Variants in CEP350 observed in about 807,000 individuals in gnomAD.
CEP350 encodes centrosomal protein 350.
Under a neutral mutation model 331.8 loss-of-function variants are expected in CEP350, and 126 were observed. The ratio of observed to expected loss-of-function variants is 0.38; its 90% CI spans 0.33 to 0.44. The LOEUF is 0.44. Among genes scored for constraint, CEP350 ranks in the 20% least tolerant of loss-of-function variants. CEP350 has a pLI of 1.00. For missense variants in CEP350, 3,406 were observed against 3,634.6 expected (o/e 0.94, Z 1.62); for synonymous variants, 1,200 against 1,259.5 (o/e 0.95, Z 1.00).
intron 1 of CEP350, among the ~76,000 whole-genome samples, chr1:179,959,686 A>G (rs57165548): frequency 0.14 from 21,406 of 151,336 alleles, 1,590 homozygotes; most frequent in African/African-American, 0.17. Context: ...CCTGAGTGGC[A>G]GAGGTTGCAG....
At chr1:180,036,379 T>C (rs1243765182) in intron 16 of CEP350, among the ~76,000 whole-genome samples, 2 of 152,210 alleles carry the variant, frequency 1.3e-5, no homozygotes, top group African/African-American at 4.8e-5. Context: ...GGTCAAATGC[T>C]ACCAAACAGC....
chr1:180,014,577 A>G, intron 10 of CEP350, 72 bp downstream of exon 10: 1 of 1,383,006 alleles, frequency 7.2e-7, no homozygotes, highest in South Asian at 1.6e-5. Flanking sequence ...ACTATTTAAA[A>G]ATTACCCATC....
intron 37 of CEP350, among the ~76,000 whole-genome samples, chr1:180,103,569 T>TTGTG (rs142177168): frequency 6.6e-6 from 1 of 151,716 alleles, no homozygotes; most frequent in Non-Finnish European, 1.5e-5. Flanking sequence ...CCATTTAAGA[T>TTGTG]TGTGTGTGTG....
chr1:180,053,348 CTT>C (rs1328737275), intron 23 of CEP350, among the ~76,000 whole-genome samples, 182 bp downstream of exon 23: 1 of 152,174 alleles, frequency 6.6e-6, no homozygotes, highest in African/African-American at 2.4e-5. Flanking sequence ...ACAATACAAA[CTT>C]ATTTTTTGGA....
At chr1:179,972,563 G>C in intron 1 of CEP350, among the ~76,000 whole-genome samples, 1 of 152,114 alleles carries the variant, frequency 6.6e-6, no homozygotes, top group East Asian at 1.9e-4. Flanking sequence ...GGAGTGCAGT[G>C]GTGCAATATC....
chr1:180,087,461 T>G, intron 31 of CEP350, 117 bp from the exon 32 acceptor site: 1 of 969,994 alleles, frequency 1.0e-6, no homozygotes, highest in Non-Finnish European at 1.4e-6. Flanking sequence ...GGAGGGAGAT[T>G]TTTATATTAC....
chr1:180,007,239 G>C (rs1236248442), intron 8 of CEP350, among the ~76,000 whole-genome samples: 4 of 152,164 alleles, frequency 2.6e-5, no homozygotes, highest in African/African-American at 9.7e-5. Flanking sequence ...GTGTAAAGAT[G>C]TTCCTGTTTC....
rs1657659551 is a variant in CEP350 at position 180,053,924 on chromosome 1, C to T, written c.5164C>T (p.His1722Tyr). 11 of 1,547,398 alleles carry T rather than the reference C, an allele frequency of 7.1e-6. No homozygotes were observed. The highest frequency in any genetic ancestry group is 8.7e-6 in the Non-Finnish European group (10 of 1,147,574). Reference protein sequence around the residue: ...KTKAELAWLEHQKKHLRDKGE... With the variant: ...KTKAELAWLEYQKKHLRDKGE... ...TAAGGCTGAATTGGCCTGGTTAGAG[C>T]ATCAAAAAAAGTAAGTTCTTTTGAG... is the stretch of plus-strand genomic sequence containing the variant. Residue 1722 changes from histidine to tyrosine, a missense_variant, in exon 24 of 38, where the codon CAT becomes TAT. His to Tyr is a moderately conservative substitution (Grantham distance 83). Coordinates refer to ENST00000367607, the MANE Select transcript of CEP350 (RefSeq NM_014810.5).
In CEP350 at chr1:180,063,186, CTT is replaced by C. The variant is rs35572192; in HGVS notation, c.5409+840_5409+841del. Among the ~76,000 whole-genome samples the C allele has an allele frequency of 6.4e-3, 684 of 106,962 alleles. 3 individuals are homozygous for C. The highest frequency in any genetic ancestry group is 0.023 in the African/African-American group (632 of 27,530). The allele number at this position is 106,962 out of a possible 152,430, so 70.2% of individuals were successfully genotyped here. On this transcript the variant is annotated intron_variant, in intron 26 of 37. Transcript: ENST00000367607. ...TATTAGACAAAAACAAAATTTGAAA[CTT>C]TTTTTTTTTTTTTTTTTTTGGAGAC... is the stretch of plus-strand genomic sequence containing the variant.
intron 1 of CEP350, among the ~76,000 whole-genome samples, chr1:179,973,437 TGTTAATCA>T (rs1274647563): frequency 3.3e-5 from 5 of 152,246 alleles, no homozygotes; most frequent in Admixed American, 2.0e-4. Flanking sequence ...CCAGTTTAAC[TGTTAATCA>T]CCCTGTTCCT....
chr1:180,042,016 A>G (rs746723304), intron 19 of CEP350, among the ~76,000 whole-genome samples: 30 of 152,140 alleles, frequency 2.0e-4, no homozygotes, highest in Non-Finnish European at 4.3e-4. Context: ...AAAGATGAAG[A>G]GCTCTAAATT....
intron 27 of CEP350, among the ~76,000 whole-genome samples, chr1:180,071,759 G>A (rs1165542590): frequency 6.8e-6 from 1 of 147,552 alleles, no homozygotes. Context: ...TCCAGCCTGG[G>A]CAACAGAGCA....
intron 3 of CEP350, among the ~76,000 whole-genome samples, chr1:179,990,118 G>A (rs1362299285): frequency 1.3e-5 from 2 of 151,988 alleles, no homozygotes; most frequent in Non-Finnish European, 2.9e-5. Flanking sequence ...CCCGTGAGGT[G>A]GAGGTTGCAG....
chr1:179,978,116 G>A (rs1162929825), intron 1 of CEP350, among the ~76,000 whole-genome samples: 2 of 152,068 alleles, frequency 1.3e-5, no homozygotes, highest in African/African-American at 4.8e-5. Flanking sequence ...TGTCATATAT[G>A]TGGTTTGTGT....
At chr1:180,019,636 T>A (rs1438519096) in intron 11 of CEP350, among the ~76,000 whole-genome samples, 1 of 152,188 alleles carries the variant, frequency 6.6e-6, no homozygotes, top group African/African-American at 2.4e-5. Flanking sequence ...AATAGTTTTT[T>A]AAAAATATGG....
chr1:180,034,896 T>C (rs1403353320), intron 16 of CEP350, among the ~76,000 whole-genome samples: 1 of 152,172 alleles, frequency 6.6e-6, no homozygotes, highest in African/African-American at 2.4e-5. Context: ...CATCTCTCAC[T>C]TTAAATCAGA....
chr1:179,984,963 A>G (rs1288310766), intron 1 of CEP350, among the ~76,000 whole-genome samples: 1 of 152,112 alleles, frequency 6.6e-6, no homozygotes. Context: ...TTGAGTTGTG[A>G]TATGATTTTT....
At chr1:180,099,995 A>G (rs1207980333) in intron 37 of CEP350, among the ~76,000 whole-genome samples, 5 of 152,318 alleles carry the variant, frequency 3.3e-5, no homozygotes, top group Admixed American at 2.0e-4. Context: ...CATGTTGGCC[A>G]GGCTGGTCTC....
chr1:180,039,269 A>G (rs1240604488), intron 17 of CEP350, among the ~76,000 whole-genome samples: 1 of 42,168 alleles, frequency 2.4e-5, no homozygotes, highest in Non-Finnish European at 4.8e-5. Flanking sequence ...GAAGAAAGGA[A>G]GGAAGGGAGG....
Sources: gnomAD v4.1 joint callset for allele counts (sites outside exome capture counted in the v4.1 genomes callset) on GRCh38, gnomAD v4.1.1 for gene constraint, MANE v1.5 for transcripts, NCBI Gene and HGNC (gene_info 2026-07-23, HGNC 2026-07-21) for gene names.